Variants in EPS15 observed in about 807,000 individuals in gnomAD.
EPS15 encodes epidermal growth factor receptor substrate 15.
Under a neutral mutation model 113.8 loss-of-function variants are expected in EPS15, and 72 were observed. That is an observed-to-expected ratio of 0.63 (90% CI 0.52 to 0.77). EPS15 has a LOEUF of 0.77. Ranked by LOEUF, EPS15 falls within the 30% of genes least tolerant of loss-of-function variation. EPS15 has a pLI of 0.00. For synonymous variants in EPS15, 344 were observed against 363.4 expected, an observed-to-expected ratio of 0.95 and a Z score of 0.61; for missense variants, 1,048 against 1,045.8, an observed-to-expected ratio of 1.00 and a Z score of -0.03.
intron 24 of EPS15, among the ~76,000 whole-genome samples, chr1:51,357,426 A>ATATATATATTT (rs1443627608): frequency 9.3e-5 from 5 of 53,542 alleles, no homozygotes; most frequent in Non-Finnish European, 1.2e-4. Context: ...ATATATATAT[A>ATATATATATTT]TTTTTTTTTT....
At chr1:51,385,434 T>G (rs914415631) in intron 21 of EPS15, among the ~76,000 whole-genome samples, 7 of 152,200 alleles carry the variant, frequency 4.6e-5, no homozygotes, top group Admixed American at 2.6e-4. Context: ...GTGGAAATAC[T>G]GGAACCACTG....
intron 1 of EPS15, among the ~76,000 whole-genome samples, chr1:51,482,289 G>T (rs925701550): frequency 6.6e-6 from 1 of 152,188 alleles, no homozygotes; most frequent in Admixed American, 6.5e-5. Flanking sequence ...GCAGGAACTT[G>T]AGGTATGGGG....
At chr1:51,438,246 A>G (rs554005283) in intron 12 of EPS15, among the ~76,000 whole-genome samples, 1 of 152,320 alleles carries the variant, frequency 6.6e-6, no homozygotes, top group South Asian at 2.1e-4. Flanking sequence ...AAATGTGACT[A>G]TACCCTAAAA....
intron 24 of EPS15, among the ~76,000 whole-genome samples, chr1:51,357,417 T>TATATAC (rs1646256569): frequency 1.5e-5 from 1 of 64,804 alleles, no homozygotes; most frequent in Non-Finnish European, 2.6e-5. Flanking sequence ...TATATATATA[T>TATATAC]ATATATATAT....
intron 21 of EPS15, chr1:51,372,145 C>G: frequency 2.7e-6 from 1 of 372,422 alleles, no homozygotes; most frequent in South Asian, 2.0e-5. Flanking sequence ...TAAATTCATA[C>G]CTGCCCATGC....
Position 51,426,583 on chromosome 1 carries a change from C to T in EPS15, c.1041-4725G>A, listed in dbSNP as rs886568613. 1.8e-4 allele frequency among the ~76,000 whole-genome samples: 27 copies of T among 151,390 alleles called. 1 individual carries two copies. Among genetic ancestry groups the T allele is most frequent in the Admixed American group, 1.3e-3 (20 of 15,106 alleles). On this transcript the variant is annotated intron_variant, in intron 12 of 24. Coordinates refer to ENST00000371733, the MANE Select transcript of EPS15 (RefSeq NM_001981.3). The stretch of plus-strand genomic sequence containing the variant: ...TTTTAGGTGAGATTAACATTTAAAT[C>T]GGTAGGCTTGAGTAAAGCAGATTAC...
Position 51,506,075 on chromosome 1 carries a change from C to T in EPS15, c.33+13124G>A, listed in dbSNP as rs183978748. On this transcript the variant is annotated intron_variant, in intron 1 of 24. Transcript: ENST00000371733. ...CTGATTTTTGTATTTTTAGCAGAGGCGGAGTTTCACCACTTTGGCCAGGCT... is the reference window on the plus strand; with the variant it reads ...CTGATTTTTGTATTTTTAGCAGAGGTGGAGTTTCACCACTTTGGCCAGGCT... 3.7e-3 allele frequency among the ~76,000 whole-genome samples: 565 copies of T among 152,234 alleles called. 3 individuals are homozygous for T. The highest frequency in any genetic ancestry group is 4.5e-3 in the Non-Finnish European group (305 of 68,018).
chr1:51,363,907 G>C lies in EPS15; in HGVS notation c.2318C>G (p.Pro773Arg). 1 of 1,613,332 alleles carries C rather than the reference G, an allele frequency of 6.2e-7. No homozygotes were observed. The highest frequency in any genetic ancestry group is 8.5e-7 in the Non-Finnish European group (1 of 1,179,566). Residue 773 changes from proline to arginine, a missense_variant, in exon 23 of 25, where the codon CCA becomes CGA. By Grantham distance (103) the Pro-to-Arg change is moderately radical. Coordinates refer to ENST00000371733, the MANE Select transcript of EPS15 (RefSeq NM_001981.3). ...KSEDEPPALP[P>R]KIGTPTRPCP... ...GGGTCTTGTTGGAGTTCCGATCTTTGGTGGCAGTGCTGGGGGTTCATCTTC... is the reference window on the plus strand; with the variant it reads ...GGGTCTTGTTGGAGTTCCGATCTTTCGTGGCAGTGCTGGGGGTTCATCTTC...
intron 12 of EPS15, among the ~76,000 whole-genome samples, chr1:51,436,723 G>A (rs990018295): frequency 2.0e-5 from 3 of 152,018 alleles, no homozygotes; most frequent in African/African-American, 7.2e-5. Flanking sequence ...CAAAAGAGAT[G>A]GGAAGGTAAG....
At chr1:51,428,936 G>C (rs752257090) in intron 12 of EPS15, among the ~76,000 whole-genome samples, 2 of 151,822 alleles carry the variant, frequency 1.3e-5, no homozygotes, top group Non-Finnish European at 2.9e-5. Context: ...CTGTTTCCCA[G>C]GCTGGAGTGC....
intron 8 of EPS15, among the ~76,000 whole-genome samples, chr1:51,454,279 T>C (rs1653811708): frequency 1.3e-5 from 2 of 152,040 alleles, no homozygotes; most frequent in African/African-American, 4.8e-5. Flanking sequence ...ACTTACCTGA[T>C]AGAAAAATTT....
intron 8 of EPS15, among the ~76,000 whole-genome samples, chr1:51,454,552 C>T (rs1162479479): frequency 6.6e-6 from 1 of 152,124 alleles, no homozygotes; most frequent in Non-Finnish European, 1.5e-5. Flanking sequence ...ACTCATTTGT[C>T]CAGTCTAGTC....
intron 8 of EPS15, among the ~76,000 whole-genome samples, chr1:51,456,874 CTA>C (rs1369577023): frequency 1.3e-5 from 2 of 152,014 alleles, no homozygotes; most frequent in Non-Finnish European, 2.9e-5. Flanking sequence ...CAAAAGAATA[CTA>C]GTTATTAATA....
intron 1 of EPS15, among the ~76,000 whole-genome samples, chr1:51,518,069 C>A (rs1644758238): frequency 6.6e-6 from 1 of 152,064 alleles, no homozygotes; most frequent in South Asian, 2.1e-4. Context: ...ACGGGATGGG[C>A]CCCAATCGGG....
chr1:51,488,472 T>TAA (rs71063033), intron 1 of EPS15, among the ~76,000 whole-genome samples: 1,178 of 85,188 alleles, frequency 0.014, 17 homozygotes, highest in South Asian at 0.033. Flanking sequence ...TAAAGTTTTG[T>TAA]AAAAAAAAAA....
chr1:51,359,720 C>T (rs945225558), intron 24 of EPS15, among the ~76,000 whole-genome samples: 2 of 149,600 alleles, frequency 1.3e-5, no homozygotes, highest in Non-Finnish European at 3.0e-5. Flanking sequence ...ATCGCGCCTC[C>T]AGCCTGGGCA....
chr1:51,363,923 G>C lies in EPS15; in HGVS notation c.2302C>G (p.Pro768Ala). 2 of 1,613,844 alleles carry C rather than the reference G, an allele frequency of 1.2e-6. No homozygotes were observed. Among genetic ancestry groups the C allele is most frequent in the Non-Finnish European group, 1.7e-6 (2 of 1,179,846 alleles). The change falls in exon 23 of 25, where the codon CCC becomes GCC. Residue 768 changes from proline to alanine, a missense_variant. Pro to Ala is a conservative substitution (Grantham distance 27, BLOSUM62 -1). Coordinates refer to ENST00000371733, the MANE Select transcript of EPS15 (RefSeq NM_001981.3). ...EETSVKSEDE[P>A]PALPPKIGTP... ...CCGATCTTTGGTGGCAGTGCTGGGG[G>C]TTCATCTTCACTTTTGACCGATGTT...
chr1:51,448,231 CTCAAA>C, intron 8 of EPS15, 96 bp from the exon 9 acceptor site: 1 of 656,914 alleles, frequency 1.5e-6, no homozygotes, highest in East Asian at 2.9e-5. Flanking sequence ...TCGTCAGGCT[CTCAAA>C]TCCTTTTTTA....
intron 1 of EPS15, among the ~76,000 whole-genome samples, chr1:51,488,472 TAAAAAAA>T (rs71063033): frequency 3.0e-4 from 26 of 85,304 alleles, no homozygotes; most frequent in Non-Finnish European, 4.1e-4. Flanking sequence ...TAAAGTTTTG[TAAAAAAA>T]AAAAAAAAAA....
Sources: allele counts gnomAD v4.1 joint callset (sites outside exome capture counted in the v4.1 genomes callset), GRCh38; gene constraint gnomAD v4.1.1; transcripts MANE v1.5; gene names NCBI Gene and HGNC (gene_info 2026-07-23, HGNC 2026-07-21).